Variants in MID2 observed in about 807,000 individuals in gnomAD.
The protein encoded by MID2 is probable E3 ubiquitin-protein ligase MID2.
In MID2, 13 loss-of-function variants were observed where a neutral mutation model predicts 46.1. That is an observed-to-expected ratio of 0.28 (90% CI 0.18 to 0.45). MID2 has a LOEUF of 0.45. MID2 is among the 20% of genes least tolerant of loss of function. The probability of loss-of-function intolerance (pLI) is 1.00; values close to 1 mark genes in which losing one functional copy is unlikely to be tolerated. For missense variants in MID2, 431 were observed against 575.4 expected, an observed-to-expected ratio of 0.75 and a Z score of 2.57; for synonymous variants, 199 against 212.3, an observed-to-expected ratio of 0.94 and a Z score of 0.55.
chrX:107,857,281 CTTTTTTT>C (rs1172837242), intron 3 of MID2, among the ~76,000 whole-genome samples: 3 of 97,463 alleles, frequency 3.1e-5, no homozygotes, highest in Non-Finnish European at 6.3e-5. Context: ...TTAACTTCCT[CTTTTTTT>C]TTTTTTTTTT....
chrX:107,855,421 T>C (rs1182870235), intron 3 of MID2, among the ~76,000 whole-genome samples: 1 of 112,071 alleles, frequency 8.9e-6, no homozygotes, highest in Non-Finnish European at 1.9e-5. Flanking sequence ...ATGAAACTTA[T>C]ACCATTTGGT....
chrX:107,862,969 C>A (rs1004195293), intron 3 of MID2, among the ~76,000 whole-genome samples: 35 of 111,669 alleles, frequency 3.1e-4, no homozygotes, highest in African/African-American at 1.1e-3. Flanking sequence ...GTTCAGTGAT[C>A]CAGTCAATCT....
intron 1 of MID2, among the ~76,000 whole-genome samples, chrX:107,838,182 G>GTTTGT (rs1437200766): frequency 9.0e-6 from 1 of 111,529 alleles, no homozygotes. Context: ...GGTGTTTTTT[G>GTTTGT]TTTGTTTTGT....
intron 3 of MID2, among the ~76,000 whole-genome samples, chrX:107,855,597 T>A (rs1875768130): frequency 8.9e-6 from 1 of 112,195 alleles, no homozygotes; most frequent in African/African-American, 3.2e-5. Flanking sequence ...CAGACAAATG[T>A]AACAGTTCAA....
intron 1 of MID2, among the ~76,000 whole-genome samples, chrX:107,828,114 A>C (rs1249342203): frequency 9.1e-6 from 1 of 109,468 alleles, no homozygotes; most frequent in Admixed American, 9.7e-5. Context: ...AGTGTGTGGC[A>C]CTTCCCCCCA....
In MID2 at chrX:107,832,950, A is replaced by T. The variant is rs753052189; in HGVS notation, c.4+6520A>T. On this transcript the variant is annotated intron_variant, in intron 1 of 9. Transcript: ENST00000262843. Reference sequence around the variant, plus strand: ...CCCCCAAATATATTCTCATTAGTTTATATTCCCATGGGACTCTTCTCCCCT... The same window carrying T: ...CCCCCAAATATATTCTCATTAGTTTTTATTCCCATGGGACTCTTCTCCCCT... Among the ~76,000 whole-genome samples, 238 of 111,447 alleles carry T rather than the reference A, an allele frequency of 2.1e-3. 2 individuals carry two copies. The highest frequency in any genetic ancestry group is 7.5e-3 in the African/African-American group (231 of 30,630).
At chrX:107,840,237 A>C (rs762515205) in intron 1 of MID2, among the ~76,000 whole-genome samples, 1 of 110,436 alleles carries the variant, frequency 9.1e-6, no homozygotes, top group Non-Finnish European at 1.9e-5. Flanking sequence ...CTTACACTGG[A>C]TGTCACATAG....
chrX:107,865,560 G>A (rs1348896557), intron 3 of MID2, among the ~76,000 whole-genome samples: 2 of 105,600 alleles, frequency 1.9e-5, no homozygotes, highest in Non-Finnish European at 3.9e-5. Flanking sequence ...TTCCCTCCCC[G>A]CCCACCCCAA....
chrX:107,918,999 ATCT>A (rs1217155899), intron 7 of MID2, among the ~76,000 whole-genome samples: 1 of 110,805 alleles, frequency 9.0e-6, no homozygotes, highest in Non-Finnish European at 1.9e-5. Context: ...ATCTAGTCTA[ATCT>A]TCTTCCCTTC....
chrX:107,898,849 G>A (rs1053828024), intron 3 of MID2, among the ~76,000 whole-genome samples: 2 of 112,265 alleles, frequency 1.8e-5, no homozygotes, highest in Non-Finnish European at 3.8e-5. Flanking sequence ...GGCATTTACT[G>A]TGTAGAGTGG....
chrX:107,865,525 G>A (rs768761208), intron 3 of MID2, among the ~76,000 whole-genome samples: 3 of 111,509 alleles, frequency 2.7e-5, no homozygotes, highest in African/African-American at 6.6e-5. Flanking sequence ...GTTTAAACTG[G>A]GTCATGAGGA....
Position 107,927,032 on chromosome X carries a change from C to G in MID2, c.2167C>G (p.Gln723Glu). Reference sequence around the variant, plus strand: ...GCGGCAGGAATGCAACTGCAGGCCTCAAGAATCCCCTTATGTTTCTGGGAT... The same window carrying G: ...GCGGCAGGAATGCAACTGCAGGCCTGAAGAATCCCCTTATGTTTCTGGGAT... The part of the protein sequence containing the change: ...PERQECNCRP[Q>E]ESPYVSGMKT... The change falls in exon 10 of 10, where the codon CAA becomes GAA. Residue 723 changes from glutamine (Q) to glutamate (E), a missense_variant. By Grantham distance (29) the Gln-to-Glu change is conservative. Transcript: ENST00000262843. 1 of 1,209,535 alleles carries G rather than the reference C, an allele frequency of 8.3e-7. No homozygotes were observed. The highest frequency in any genetic ancestry group is 3.0e-5 in the East Asian group (1 of 33,832).
At position 107,928,413 on chromosome X, in the gene MID2, T is replaced by A. The variant is rs756657123; in HGVS notation, c.*1340T>A. Among the ~76,000 whole-genome samples the A allele has an allele frequency of 9.0e-5, 10 of 111,347 alleles. No homozygotes were observed. Among genetic ancestry groups the A allele is most frequent in the African/African-American group, 3.3e-4 (10 of 30,651 alleles). On this transcript the variant is annotated 3_prime_UTR_variant, in exon 10 of 10. Transcript: ENST00000262843. ...GCCTTGTAGTCTATGATTTTTTTTTTTAAATTTCCATCGAAGGGATTGGGG... is the reference window on the plus strand; with the variant it reads ...GCCTTGTAGTCTATGATTTTTTTTTATAAATTTCCATCGAAGGGATTGGGG...
chrX:107,924,289 C>T, intron 7 of MID2, 54 bp from the exon 8 acceptor site: 2 of 1,110,844 alleles, frequency 1.8e-6, no homozygotes, highest in South Asian at 2.0e-5. Context: ...GTGTGTTTTT[C>T]ATTCTGTCTC....
intron 2 of MID2, among the ~76,000 whole-genome samples, chrX:107,853,113 G>C (rs376180551): frequency 9.0e-6 from 1 of 111,044 alleles, no homozygotes; most frequent in Non-Finnish European, 1.9e-5. Flanking sequence ...GATTAATCTA[G>C]AGTGAAATGA....
At chrX:107,913,766 C>T (rs1299911418) in intron 5 of MID2, among the ~76,000 whole-genome samples, 3 of 111,779 alleles carry the variant, frequency 2.7e-5, no homozygotes, top group Non-Finnish European at 5.6e-5. Flanking sequence ...AATCTGGTCT[C>T]TTTGCCTCCA....
chrX:107,924,453 A>G lies in MID2; in HGVS notation c.1546A>G (p.Ile516Val). 6 of 1,211,813 alleles carry G rather than the reference A, an allele frequency of 5.0e-6. No individual in the cohort carries two copies. Among genetic ancestry groups the G allele is most frequent in the South Asian group, 1.8e-5 (1 of 56,997 alleles). ...TCGCTACATCTTCATCGTTAAAGCCATAAACCAAGCCGGCAGCCGGAACAG... is the reference window on the plus strand; with the variant it reads ...TCGCTACATCTTCATCGTTAAAGCCGTAAACCAAGCCGGCAGCCGGAACAG... ...GTRYIFIVKA[I>V]NQAGSRNSEP... The change falls in exon 8 of 10, where the codon ATA becomes GTA. Residue 516 changes from isoleucine (I) to valine (V), a missense_variant. By Grantham distance (29) the Ile-to-Val change is conservative (BLOSUM62 3). Coordinates refer to ENST00000262843, the MANE Select transcript of MID2 (RefSeq NM_012216.4).
chrX:107,910,830 T>C (rs191623802), intron 5 of MID2, among the ~76,000 whole-genome samples: 3 of 47,794 alleles, frequency 6.3e-5, no homozygotes, highest in Non-Finnish European at 6.2e-5. Context: ...TTCCTTTCCT[T>C]TCCTTTCCCT....
intron 3 of MID2, 46 bp from the exon 4 acceptor site, chrX:107,903,912 G>C (rs753654598): frequency 3.1e-6 from 3 of 969,379 alleles, no homozygotes; most frequent in South Asian, 2.0e-5. Context: ...GCCAGCAGGG[G>C]ACAAAGGCAA....
Sources: gnomAD v4.1 joint callset for allele counts (sites outside exome capture counted in the v4.1 genomes callset) on GRCh38, gnomAD v4.1.1 for gene constraint, MANE v1.5 for transcripts, NCBI Gene and HGNC (gene_info 2026-07-23, HGNC 2026-07-21) for gene names.